Variants in GMDS observed in about 807,000 individuals in gnomAD.
GMDS encodes GDP-mannose 4,6 dehydratase.
In GMDS, 20 loss-of-function variants were observed where a neutral mutation model predicts 49.9. That is an observed-to-expected ratio of 0.40 (90% confidence interval 0.28 to 0.58). The LOEUF is 0.58. Among genes scored for constraint, GMDS ranks in the 20% least tolerant of loss-of-function variants. The probability of loss-of-function intolerance (pLI) is 0.42; values close to 1 mark genes in which losing one functional copy is unlikely to be tolerated. For missense variants in GMDS, 362 were observed against 481.4 expected (o/e 0.75, Z 2.32); for synonymous variants, 177 against 178.6 (o/e 0.99, Z 0.07).
intron 9 of GMDS, among the ~76,000 whole-genome samples, chr6:1,631,726 T>C (rs925047218): frequency 6.6e-6 from 1 of 152,252 alleles, no homozygotes; most frequent in African/African-American, 2.4e-5. Context: ...ACAGGGTCTA[T>C]CAAACATATA....
intron 4 of GMDS, among the ~76,000 whole-genome samples, chr6:2,076,315 G>A (rs191646512): frequency 1.4e-3 from 216 of 152,188 alleles, no homozygotes; most frequent in African/African-American, 5.1e-3. Flanking sequence ...AATCAATATC[G>A]TGAAAATGGC....
chr6:2,230,310 G>A (rs540529846), intron 1 of GMDS, among the ~76,000 whole-genome samples: 17 of 152,174 alleles, frequency 1.1e-4, no homozygotes, highest in Admixed American at 2.0e-4. Flanking sequence ...TTTCTGAAAC[G>A]TATATTTAAA....
chr6:1,880,345 C>T (rs1166036537), intron 7 of GMDS, among the ~76,000 whole-genome samples: 1 of 150,096 alleles, frequency 6.7e-6, no homozygotes, highest in Non-Finnish European at 1.5e-5. Context: ...GTTGCCCCAG[C>T]TACTCAGGAG....
intron 1 of GMDS, among the ~76,000 whole-genome samples, chr6:2,228,813 C>T (rs234936): frequency 0.031 from 4,763 of 152,220 alleles, 274 homozygotes; most frequent in African/African-American, 0.11. Context: ...AGCCCCAATA[C>T]CCCCCGTTGA....
chr6:1,781,653 G>T (rs1319445283), intron 7 of GMDS, among the ~76,000 whole-genome samples: 1 of 152,076 alleles, frequency 6.6e-6, no homozygotes, highest in Non-Finnish European at 1.5e-5. Flanking sequence ...TAAGCCCTCT[G>T]AATTGTCAGC....
At chr6:2,159,810 C>A (rs1777300920) in intron 1 of GMDS, among the ~76,000 whole-genome samples, 1 of 152,166 alleles carries the variant, frequency 6.6e-6, no homozygotes, top group Admixed American at 6.5e-5. Flanking sequence ...AGCCACAGCA[C>A]CCGGCCAATT....
chr6:1,880,284 C>CAAAAAAAAAAAAAAAAAAAAAAAAAAAAA (rs34490393), intron 7 of GMDS, among the ~76,000 whole-genome samples: 1 of 59,112 alleles, frequency 1.7e-5, no homozygotes. Context: ...CTCATTTCCA[C>CAAAAAAAAAAAAAAAAAAAAAAAAAAAAA]AAAAAAAAAA....
intron 1 of GMDS, among the ~76,000 whole-genome samples, chr6:2,221,968 G>A (rs557553010): frequency 2.6e-5 from 4 of 152,164 alleles, no homozygotes; most frequent in East Asian, 3.9e-4. Flanking sequence ...TCAAAGGGCC[G>A]TAAAGAAACA....
intron 7 of GMDS, among the ~76,000 whole-genome samples, chr6:1,881,101 A>G (rs1469167978): frequency 1.3e-5 from 2 of 152,230 alleles, no homozygotes; most frequent in South Asian, 2.1e-4. Flanking sequence ...GTATTTTTCT[A>G]TCATCAGTAA....
At chr6:1,912,614 C>T (rs1328384334) in intron 7 of GMDS, among the ~76,000 whole-genome samples, 1 of 152,106 alleles carries the variant, frequency 6.6e-6, no homozygotes, top group Non-Finnish European at 1.5e-5. Context: ...GTGGGGTCTT[C>T]CTCTCTCCAT....
At chr6:2,170,161 C>A (rs1336892688) in intron 1 of GMDS, among the ~76,000 whole-genome samples, 2 of 151,454 alleles carry the variant, frequency 1.3e-5, no homozygotes, top group Non-Finnish European at 2.9e-5. Context: ...CAAGATCGTG[C>A]CATTGCACTC....
intron 1 of GMDS, among the ~76,000 whole-genome samples, chr6:2,144,141 A>G (rs189002271): frequency 1.1e-3 from 168 of 152,322 alleles, no homozygotes; most frequent in African/African-American, 3.9e-3. Flanking sequence ...AATTATCCCA[A>G]TTTTAAGGAT....
intron 7 of GMDS, among the ~76,000 whole-genome samples, chr6:1,914,870 T>A (rs185962113): frequency 2.6e-5 from 4 of 152,280 alleles, no homozygotes; most frequent in Admixed American, 2.6e-4. Flanking sequence ...ATGAGTGAGG[T>A]GCTAGGCCCT....
chr6:2,230,954 G>T (rs1241286597), intron 1 of GMDS, among the ~76,000 whole-genome samples: 1 of 9,312 alleles, frequency 1.1e-4, no homozygotes, highest in Non-Finnish European at 2.3e-4. Flanking sequence ...CCCCCCCCCC[G>T]TTCCTTCCCC....
At chr6:2,171,573 C>T (rs1314610170) in intron 1 of GMDS, among the ~76,000 whole-genome samples, 2 of 152,168 alleles carry the variant, frequency 1.3e-5, no homozygotes, top group Non-Finnish European at 2.9e-5. Flanking sequence ...CTCTAGGAAG[C>T]AGTCAGTAAA....
chr6:2,245,031 A>C (rs1468357271), intron 1 of GMDS, among the ~76,000 whole-genome samples: 1 of 152,190 alleles, frequency 6.6e-6, no homozygotes, highest in Non-Finnish European at 1.5e-5. Flanking sequence ...CGGTCACCTG[A>C]GGGGCAGGTG....
rs114217033 is a variant in GMDS, at chr6:1,857,293, G to A, written c.771+72810C>T. Among the ~76,000 whole-genome samples, 706 of 152,276 alleles carry A rather than the reference G, an allele frequency of 4.6e-3. 4 individuals are homozygous for A. Among genetic ancestry groups the A allele is most frequent in the African/African-American group, 0.016 (664 of 41,546 alleles). The stretch of plus-strand genomic sequence containing the variant: ...AATCACCTGACAGTCCGTATGCTGC[G>A]TTCAGTTCCACTCATCATAAAGGGA... On this transcript the variant is annotated intron_variant, in intron 7 of 10. Coordinates refer to ENST00000380815, the MANE Select transcript of GMDS (RefSeq NM_001500.4).
At chr6:2,225,344 C>CA (rs1780769116) in intron 1 of GMDS, among the ~76,000 whole-genome samples, 1 of 152,072 alleles carries the variant, frequency 6.6e-6, no homozygotes, top group African/African-American at 2.4e-5. Context: ...AATAAACAAA[C>CA]AAACAAATAA....
Position 1,624,494 on chromosome 6 carries a change from C to A in GMDS, c.1034G>T (p.Trp345Leu). 1 of 1,613,862 alleles carries A rather than the reference C, an allele frequency of 6.2e-7. No homozygotes were observed. Among genetic ancestry groups the A allele is most frequent in the Non-Finnish European group, 8.5e-7 (1 of 1,179,792 alleles). Reference protein sequence around the residue: ...DCTKAKQKLNWKPRVAFDELV... With the variant: ...DCTKAKQKLNLKPRVAFDELV... ...CACATCGAAAGCGACCCGGGGCTTC[C>A]AGTTCAGCTTCTGTTTCGCTTTGGT... Residue 345 changes from tryptophan to leucine, a missense_variant, in exon 10 of 11, where the codon TGG (tryptophan) becomes TTG (leucine). Transcript: ENST00000380815.
Sources: gnomAD v4.1 joint callset for allele counts (sites outside exome capture counted in the v4.1 genomes callset) on GRCh38, gnomAD v4.1.1 for gene constraint, MANE v1.5 for transcripts, NCBI Gene and HGNC (gene_info 2026-07-23, HGNC 2026-07-21) for gene names.